The following SDK1 variants were observed in gnomAD, a reference collection of about 807,000 sequenced individuals.
SDK1 encodes protein sidekick-1.
Under a neutral mutation model 245.5 loss-of-function variants are expected in SDK1, and 157 were observed. The observed-to-expected ratio is 0.64, with a 90% CI of 0.56 to 0.73. SDK1 has a LOEUF of 0.73. SDK1 is among the 30% of genes least tolerant of loss of function. SDK1 has a pLI of 0.00. For synonymous variants in SDK1, 1,647 were observed against 1,278.5 expected (o/e 1.29, Z -6.15); for missense variants, 3,583 against 3,002.3 (o/e 1.19, Z -4.52).
intron 1 of SDK1, among the ~76,000 whole-genome samples, chr7:3,477,723 A>T (rs770498197): frequency 2.6e-5 from 4 of 151,842 alleles, no homozygotes; most frequent in Non-Finnish European, 5.9e-5. Flanking sequence ...TATGTTGTTC[A>T]GGCTTGTCCC....
At chr7:3,516,568 A>G (rs779777159) in intron 1 of SDK1, among the ~76,000 whole-genome samples, 36 of 152,172 alleles carry the variant, frequency 2.4e-4, no homozygotes, top group Admixed American at 2.2e-3. Context: ...AAATATTTTT[A>G]GAGCTTCCAT....
chr7:3,922,675 C>G (rs1779635626), intron 5 of SDK1, among the ~76,000 whole-genome samples: 1 of 152,176 alleles, frequency 6.6e-6, no homozygotes, highest in Admixed American at 6.5e-5. Flanking sequence ...TTTTATCTGT[C>G]TGCACTCTTG....
chr7:3,922,182 C>G (rs901281995), intron 5 of SDK1, among the ~76,000 whole-genome samples: 1 of 151,322 alleles, frequency 6.6e-6, no homozygotes, highest in East Asian at 1.9e-4. Flanking sequence ...GTTAAGACGC[C>G]GGAGAAGGTG....
intron 20 of SDK1, among the ~76,000 whole-genome samples, chr7:4,069,876 G>T (rs548795061): frequency 1.3e-5 from 2 of 152,190 alleles, no homozygotes; most frequent in Non-Finnish European, 2.9e-5. Flanking sequence ...TGAGGTTTAG[G>T]GTGGTGACGT....
At chr7:3,697,439 A>G (rs1784607590) in intron 4 of SDK1, among the ~76,000 whole-genome samples, 1 of 152,184 alleles carries the variant, frequency 6.6e-6, no homozygotes, top group Non-Finnish European at 1.5e-5. Flanking sequence ...AATATGGGGA[A>G]TCTGTCTTCA....
intron 5 of SDK1, among the ~76,000 whole-genome samples, chr7:3,934,691 G>A (rs757626288): frequency 6.6e-6 from 1 of 152,228 alleles, no homozygotes; most frequent in Non-Finnish European, 1.5e-5. Flanking sequence ...GAGTGGGGCC[G>A]ATAAGCACGT....
intron 1 of SDK1, among the ~76,000 whole-genome samples, chr7:3,551,185 G>C (rs1302387596): frequency 1.3e-5 from 2 of 152,094 alleles, no homozygotes; most frequent in African/African-American, 2.4e-5. Flanking sequence ...CAACACCGGG[G>C]GTGGGGGGCC....
intron 16 of SDK1, among the ~76,000 whole-genome samples, chr7:4,012,666 T>TG (rs1786085048): frequency 7.0e-6 from 1 of 143,600 alleles, no homozygotes; most frequent in East Asian, 2.3e-4. Flanking sequence ...TTCCGCTGCC[T>TG]GGGTTCAAGC....
Position 4,041,416 on chromosome 7 carries a change from G to T in SDK1, c.2603-7932G>T, listed in dbSNP as rs554943207. ...ACTATCAGCATCCCCCACCAGAGTG[G>T]TACCTTTCTTATGAGCAGTGAACCT... On this transcript the variant is annotated intron_variant, in intron 17 of 44. Transcript: ENST00000404826. 2.6e-5 allele frequency among the ~76,000 whole-genome samples: 4 copies of T among 152,134 alleles called. No individual in the cohort carries two copies. In the East Asian group the frequency reaches 7.7e-4, roughly 29 times the overall value.
chr7:3,827,542 G>A (rs1262338850), intron 5 of SDK1, among the ~76,000 whole-genome samples: 1 of 152,232 alleles, frequency 6.6e-6, no homozygotes, highest in African/African-American at 2.4e-5. Flanking sequence ...TAAATCAGGT[G>A]TTTTCAATCT....
chr7:4,037,520 G>A (rs994667450), intron 17 of SDK1, among the ~76,000 whole-genome samples: 1 of 152,176 alleles, frequency 6.6e-6, no homozygotes, highest in African/African-American at 2.4e-5. Context: ...GGGAGGCTGA[G>A]TTGGGAGGAT....
intron 1 of SDK1, among the ~76,000 whole-genome samples, chr7:3,320,623 G>T (rs917331110): frequency 3.3e-5 from 5 of 152,074 alleles, no homozygotes; most frequent in Non-Finnish European, 7.4e-5. Flanking sequence ...CTAGATTTTA[G>T]CCAAAGATCT....
chr7:3,487,467 C>T (rs1441866524), intron 1 of SDK1, among the ~76,000 whole-genome samples: 4 of 152,002 alleles, frequency 2.6e-5, no homozygotes, highest in Non-Finnish European at 5.9e-5. Context: ...AATGGCTGTG[C>T]ATGGTGGCTC....
At chr7:3,425,591 G>A (rs762786335) in intron 1 of SDK1, among the ~76,000 whole-genome samples, 4 of 152,162 alleles carry the variant, frequency 2.6e-5, no homozygotes, top group Non-Finnish European at 4.4e-5. Context: ...TTTATATAGT[G>A]GAAATCTCAT....
intron 14 of SDK1, among the ~76,000 whole-genome samples, chr7:4,000,566 G>A (rs747196380): frequency 2.6e-5 from 4 of 152,160 alleles, no homozygotes; most frequent in Admixed American, 6.5e-5. Flanking sequence ...CCCGTCAGCC[G>A]TCTCCACGCC....
chr7:4,126,778 A>G (rs924928706), intron 25 of SDK1, among the ~76,000 whole-genome samples: 33 of 152,230 alleles, frequency 2.2e-4, no homozygotes, highest in African/African-American at 7.5e-4. Flanking sequence ...CCTTTTAGAA[A>G]AACATTCATT....
At chr7:4,028,163 T>C (rs1056266227) in intron 17 of SDK1, among the ~76,000 whole-genome samples, 1 of 152,108 alleles carries the variant, frequency 6.6e-6, no homozygotes, top group South Asian at 2.1e-4. Context: ...CGGGCCTTAC[T>C]CCAGACCCAC....
rs192399162 is a variant in SDK1 at position 3,438,898 on chromosome 7, G to A, written c.298+137014G>A. 6.1e-3 allele frequency among the ~76,000 whole-genome samples: 903 copies of A among 147,260 alleles called. 14 individuals carry two copies. Among genetic ancestry groups the A allele is most frequent in the African/African-American group, 0.022 (846 of 38,084 alleles). On this transcript the variant is annotated intron_variant, in intron 1 of 44. Coordinates refer to ENST00000404826, the MANE Select transcript of SDK1 (RefSeq NM_152744.4). ...ATGGAGTTTCACTCTTGTTGCCCAG[G>A]CTGGAGTGCAGTGGTGCGATCTTGG...
At chr7:4,161,011 A>T (rs1781080148) in intron 31 of SDK1, among the ~76,000 whole-genome samples, 1 of 152,206 alleles carries the variant, frequency 6.6e-6, no homozygotes, top group African/African-American at 2.4e-5. Flanking sequence ...TATGGACTGG[A>T]TACAGAATGC....
Sources: allele counts gnomAD v4.1 joint callset (sites outside exome capture counted in the v4.1 genomes callset), GRCh38; gene constraint gnomAD v4.1.1; transcripts MANE v1.5; gene names NCBI Gene and HGNC (gene_info 2026-07-23, HGNC 2026-07-21).